FSHR: variants seen among roughly 807,000 people sequenced by gnomAD.
FSHR encodes the protein follicle stimulating hormone receptor, also known as follicle-stimulating hormone receptor.
FSHR carries 46 observed loss-of-function variants against 52.1 expected under a neutral mutation model. That is an observed-to-expected ratio of 0.88 (90% CI 0.70 to 1.13). The LOEUF is 1.13. Ranked by LOEUF, FSHR falls within the 50% of genes most tolerant of loss-of-function variation. FSHR has a pLI of 0.00. For synonymous variants in FSHR, 399 were observed against 309.6 expected (o/e 1.29, Z -3.03); for missense variants, 964 against 834.6 (o/e 1.16, Z -1.91).
chr2:49,101,671 G>C (rs1347474402), intron 1 of FSHR, among the ~76,000 whole-genome samples: 1 of 152,208 alleles, frequency 6.6e-6, no homozygotes, highest in South Asian at 2.1e-4. Context: ...GCTTATAACA[G>C]AATATCTGAA....
chr2:49,080,677 T>G (rs932272634), intron 1 of FSHR, among the ~76,000 whole-genome samples: 6 of 152,332 alleles, frequency 3.9e-5, no homozygotes, highest in Admixed American at 3.9e-4. Flanking sequence ...TTTGTATTCA[T>G]GTCTTTTTAT....
chr2:49,064,427 T>C (rs773850142), intron 2 of FSHR, among the ~76,000 whole-genome samples: 2 of 152,096 alleles, frequency 1.3e-5, no homozygotes, highest in Admixed American at 6.6e-5. Flanking sequence ...TCTCCTCTTC[T>C]GCCACGTAGG....
chr2:49,088,122 A>C (rs550162228), intron 1 of FSHR, among the ~76,000 whole-genome samples: 1 of 152,286 alleles, frequency 6.6e-6, no homozygotes, highest in African/African-American at 2.4e-5. Context: ...ACAGTTAGAA[A>C]GTGGCAGATG....
At chr2:49,129,026 A>G (rs941670015) in intron 1 of FSHR, among the ~76,000 whole-genome samples, 9 of 147,312 alleles carry the variant, frequency 6.1e-5, no homozygotes, top group Non-Finnish European at 1.2e-4. Flanking sequence ...TGAATCATCC[A>G]GATTGTTTAT....
chr2:49,058,832 G>A (rs1422416448), intron 2 of FSHR, among the ~76,000 whole-genome samples: 1 of 152,174 alleles, frequency 6.6e-6, no homozygotes, highest in Non-Finnish European at 1.5e-5. Flanking sequence ...AACATCCCAA[G>A]CTCATGGATG....
chr2:48,964,068 AT>A (rs59789081), intron 9 of FSHR, 102 bp from the exon 10 acceptor site: 35,587 of 892,350 alleles, frequency 0.04, 31 homozygotes, highest in East Asian at 0.057. Context: ...TCTTCCTGAG[AT>A]TTTTTTTTTT....
intron 4 of FSHR, among the ~76,000 whole-genome samples, chr2:49,012,367 T>C (rs998608017): frequency 6.6e-6 from 1 of 152,156 alleles, no homozygotes; most frequent in Non-Finnish European, 1.5e-5. Context: ...GATGAATCCT[T>C]TGATGCATAT....
chr2:48,997,668 A>G (rs796778391), intron 4 of FSHR, among the ~76,000 whole-genome samples: 4 of 152,204 alleles, frequency 2.6e-5, no homozygotes, highest in African/African-American at 9.6e-5. Context: ...TAGCCCCGTG[A>G]CCAGGAATTG....
intron 1 of FSHR, among the ~76,000 whole-genome samples, chr2:49,151,810 C>A (rs1041555407): frequency 6.6e-6 from 1 of 152,054 alleles, no homozygotes; most frequent in Admixed American, 6.6e-5. Flanking sequence ...ACTTAGATAA[C>A]CTTGATTCAG....
chr2:49,044,417 A>G (rs1668585019), intron 2 of FSHR, among the ~76,000 whole-genome samples: 2 of 152,342 alleles, frequency 1.3e-5, no homozygotes, highest in South Asian at 4.1e-4. Context: ...AAACGGGAAC[A>G]TGGTAATGAA....
intron 4 of FSHR, among the ~76,000 whole-genome samples, chr2:48,996,342 AAAAGTCACCTC>A (rs1676022437): frequency 6.6e-6 from 1 of 152,098 alleles, no homozygotes; most frequent in Non-Finnish European, 1.5e-5. Context: ...AGTATGTTCT[AAAAGTCACCTC>A]AAACATGGAA....
chr2:49,061,819 T>TAA (rs1669318963), intron 2 of FSHR, among the ~76,000 whole-genome samples: 1 of 139,156 alleles, frequency 7.2e-6, no homozygotes, highest in Non-Finnish European at 1.5e-5. Flanking sequence ...TAGTCATATA[T>TAA]AACTATATAT....
chr2:48,997,570 G>A (rs1004895585), intron 4 of FSHR, among the ~76,000 whole-genome samples: 4 of 151,960 alleles, frequency 2.6e-5, no homozygotes, highest in African/African-American at 9.7e-5. Flanking sequence ...TTTTTAAGAT[G>A]TGTAGCCTTA....
At chr2:49,081,708 T>A (rs142465215) in intron 1 of FSHR, among the ~76,000 whole-genome samples, 1 of 152,338 alleles carries the variant, frequency 6.6e-6, no homozygotes, top group Non-Finnish European at 1.5e-5. Context: ...GTTTCTTACA[T>A]GATAAATGGG....
intron 2 of FSHR, among the ~76,000 whole-genome samples, chr2:49,021,831 TTCTCTCTC>T (rs1553334822): frequency 0.016 from 721 of 46,106 alleles, 14 homozygotes; most frequent in Non-Finnish European, 0.023. Context: ...GGGTATGTGT[TTCTCTCTC>T]TCTCTCTCTC....
chr2:48,986,144 A>G (rs951987970), intron 6 of FSHR, among the ~76,000 whole-genome samples: 1 of 152,194 alleles, frequency 6.6e-6, no homozygotes, highest in African/African-American at 2.4e-5. Context: ...TCCCTCAGGT[A>G]GGCCCCATTG....
At chr2:49,092,149 T>C (rs982552717) in intron 1 of FSHR, among the ~76,000 whole-genome samples, 2 of 152,208 alleles carry the variant, frequency 1.3e-5, no homozygotes, top group African/African-American at 4.8e-5. Flanking sequence ...TGATGTTAGA[T>C]TTTATTTTTG....
chr2:49,052,094 C>G (rs781598855), intron 2 of FSHR, among the ~76,000 whole-genome samples: 2 of 152,080 alleles, frequency 1.3e-5, no homozygotes, highest in Non-Finnish European at 2.9e-5. Flanking sequence ...AATATTGCTA[C>G]AAATATAGAT....
intron 2 of FSHR, among the ~76,000 whole-genome samples, chr2:49,021,880 TATATATAGAGAGAGAGAGAGAG>T (rs1204172935): frequency 4.3e-3 from 220 of 51,280 alleles, no homozygotes; most frequent in East Asian, 0.022. Context: ...TATATATATA[TATATATAGAGAGAGAGAGAGAG>T]AGAGAGAGAG....
Sources: allele counts gnomAD v4.1 joint callset (sites outside exome capture counted in the v4.1 genomes callset), GRCh38; gene constraint gnomAD v4.1.1; transcripts MANE v1.5; gene names NCBI Gene and HGNC (gene_info 2026-07-23, HGNC 2026-07-21).